RMDN2: variants seen among roughly 807,000 people sequenced by gnomAD.
The protein encoded by RMDN2 is regulator of microtubule dynamics protein 2.
A neutral mutation model predicts 52.8 loss-of-function variants in RMDN2; 61 were observed. The ratio of observed to expected loss-of-function variants is 1.16; its 90% CI spans 0.94 to 1.43. RMDN2 has a LOEUF of 1.43. Among genes scored for constraint, RMDN2 ranks in the 40% most tolerant of loss-of-function variants. The pLI is 0.00. For synonymous variants in RMDN2, 180 were observed against 153.1 expected, an observed-to-expected ratio of 1.18 and a Z score of -1.30; for missense variants, 592 against 475.3, an observed-to-expected ratio of 1.25 and a Z score of -2.28.
At position 38,023,620 on chromosome 2, in the gene RMDN2, G is replaced by A. The variant is rs193018140; in HGVS notation, c.1713+19404G>A. ...GGTTTGGTTATGGACTTTGTGGCCTGTTGATTGGGAAATTAACAAGAATAG... is the reference window on the plus strand; with the variant it reads ...GGTTTGGTTATGGACTTTGTGGCCTATTGATTGGGAAATTAACAAGAATAG... On this transcript the variant is annotated intron_variant, in intron 10 of 10. Coordinates refer to the RMDN2 transcript ENST00000234195. Among the ~76,000 whole-genome samples the A allele has an allele frequency of 1.3e-3, 191 of 152,228 alleles. 1 individual carries two copies. Among genetic ancestry groups the A allele is most frequent in the Admixed American group, 5.2e-3 (80 of 15,298 alleles).
intron 7 of RMDN2, among the ~76,000 whole-genome samples, chr2:37,996,219 T>G (rs1675515815): frequency 6.6e-6 from 1 of 152,112 alleles, no homozygotes; most frequent in South Asian, 2.1e-4. Flanking sequence ...TTTTACAAAG[T>G]TCAAAGCGAA....
At chr2:37,956,974 A>C (rs1035954301) in intron 2 of RMDN2, among the ~76,000 whole-genome samples, 1 of 152,170 alleles carries the variant, frequency 6.6e-6, no homozygotes, top group Non-Finnish European at 1.5e-5. Flanking sequence ...GTCCCTGCAA[A>C]GGACATGAAC....
chr2:37,930,823 A>G (rs1026482848), intron 2 of RMDN2, among the ~76,000 whole-genome samples: 2 of 152,178 alleles, frequency 1.3e-5, no homozygotes, highest in Non-Finnish European at 2.9e-5. Context: ...AGGAGGTGCT[A>G]GCAGAGTGAG....
At position 38,017,474 on chromosome 2, in the gene RMDN2, T is replaced by C; in HGVS notation, c.*235T>C. 1 of 1,119,626 alleles carries C rather than the reference T, an allele frequency of 8.9e-7. No individual in the cohort carries two copies. The allele number at this position is 1,119,626 out of a possible 1,614,324, so 69.4% of individuals were successfully genotyped here. On this transcript the variant is annotated 3_prime_UTR_variant, in exon 11 of 11. Coordinates refer to ENST00000354545, the MANE Select transcript of RMDN2 (RefSeq NM_001170791.3). ...ATAATCTATAAACATGTATGCTTTA[T>C]ATTTTTCTTATCAATAAACTGCAGC...
intron 2 of RMDN2, among the ~76,000 whole-genome samples, chr2:37,930,026 C>G (rs902477046): frequency 1.3e-5 from 2 of 152,164 alleles, no homozygotes; most frequent in African/African-American, 2.4e-5. Flanking sequence ...TTTAATGTAG[C>G]CACTCTGACT....
At chr2:37,986,877 A>C (rs1352282977) in intron 5 of RMDN2, among the ~76,000 whole-genome samples, 1 of 152,090 alleles carries the variant, frequency 6.6e-6, no homozygotes, top group African/African-American at 2.4e-5. Context: ...CTTAATGGTG[A>C]GAAACTTGCT....
intron 5 of RMDN2, among the ~76,000 whole-genome samples, chr2:37,982,120 C>A (rs75047221): frequency 0.03 from 4,518 of 152,182 alleles, 217 homozygotes; most frequent in African/African-American, 0.1. Flanking sequence ...TACTTTATTT[C>A]CCATCCCTAT....
chr2:37,948,857 G>A (rs765163303), intron 2 of RMDN2, among the ~76,000 whole-genome samples: 45 of 152,038 alleles, frequency 3.0e-4, no homozygotes, highest in South Asian at 1.7e-3. Flanking sequence ...TTATTACCTC[G>A]ACTGAGCAGC....
At chr2:37,989,278 G>A (rs556806277) in intron 5 of RMDN2, among the ~76,000 whole-genome samples, 1 of 152,236 alleles carries the variant, frequency 6.6e-6, no homozygotes, top group African/African-American at 2.4e-5. Flanking sequence ...CCTGGTCACT[G>A]TTCTAATCAC....
intron 5 of RMDN2, among the ~76,000 whole-genome samples, chr2:37,987,641 C>T (rs1674206435): frequency 6.6e-6 from 1 of 152,188 alleles, no homozygotes; most frequent in Non-Finnish European, 1.5e-5. Flanking sequence ...TTTGTCAAAA[C>T]CCATAGAATA....
intron 10 of RMDN2, among the ~76,000 whole-genome samples, chr2:38,052,563 G>T (rs535276444): frequency 6.6e-6 from 1 of 152,186 alleles, no homozygotes; most frequent in South Asian, 2.1e-4. Flanking sequence ...CTGTGTTGCT[G>T]GTGCTTTTGG....
chr2:37,952,540 C>G (rs970419906), intron 2 of RMDN2: 4 of 387,156 alleles, frequency 1.0e-5, no homozygotes, highest in African/African-American at 2.1e-5. Flanking sequence ...TATGGACTTT[C>G]TAAAAGTAAT....
intron 7 of RMDN2, among the ~76,000 whole-genome samples, chr2:37,992,271 A>G (rs1674904131): frequency 6.6e-6 from 1 of 152,216 alleles, no homozygotes; most frequent in Non-Finnish European, 1.5e-5. Flanking sequence ...TGCTCTTTAT[A>G]TTGTGTTACG....
intron 8 of RMDN2, among the ~76,000 whole-genome samples, chr2:38,001,966 T>A (rs114185913): frequency 0.02 from 3,049 of 152,308 alleles, 93 homozygotes; most frequent in African/African-American, 0.069. Context: ...TTTAATTTGT[T>A]GGTAGCTTTG....
At chr2:37,957,164 A>C (rs894031067) in intron 2 of RMDN2, among the ~76,000 whole-genome samples, 1 of 152,236 alleles carries the variant, frequency 6.6e-6, no homozygotes, top group African/African-American at 2.4e-5. Context: ...TCCTTTGGGT[A>C]TATATCCCGT....
At chr2:37,983,686 T>G (rs952307971) in intron 5 of RMDN2, among the ~76,000 whole-genome samples, 8 of 152,194 alleles carry the variant, frequency 5.3e-5, no homozygotes, top group African/African-American at 2.4e-5. Flanking sequence ...AAACTTTGAC[T>G]TGAGAAGCAA....
intron 2 of RMDN2, chr2:37,951,883 C>T (rs1381971196): frequency 1.2e-6 from 2 of 1,613,234 alleles, no homozygotes. Flanking sequence ...AGTGATATTT[C>T]CTCTCCCGAT....
intron 10 of RMDN2, among the ~76,000 whole-genome samples, chr2:38,005,021 C>A (rs528247637): frequency 2.8e-4 from 42 of 152,238 alleles, no homozygotes; most frequent in African/African-American, 7.9e-4. Flanking sequence ...CTACAAAGGA[C>A]ATGAACTCAT....
chr2:37,964,982 C>T lies in RMDN2; in HGVS notation c.453-9058C>T, dbSNP rs1670839102. Among the ~76,000 whole-genome samples, 5 of 152,022 alleles carry T rather than the reference C, an allele frequency of 3.3e-5. No homozygotes were observed. In the South Asian group the frequency reaches 1.0e-3, roughly 32 times the overall value. On this transcript the variant is annotated intron_variant, in intron 2 of 10. Coordinates refer to ENST00000354545, the MANE Select transcript of RMDN2 (RefSeq NM_001170791.3). Reference sequence around the variant, plus strand: ...TTGGTAATTGGCTCTTTTATTATGTCCTGCCTTTGTCTCTTGTACAATTTT... The same window carrying T: ...TTGGTAATTGGCTCTTTTATTATGTTCTGCCTTTGTCTCTTGTACAATTTT...
Sources: allele counts gnomAD v4.1 joint callset (sites outside exome capture counted in the v4.1 genomes callset), GRCh38; gene constraint gnomAD v4.1.1; transcripts MANE v1.5; gene names NCBI Gene and HGNC (gene_info 2026-07-23, HGNC 2026-07-21).